Variants in TTC39A observed in about 807,000 individuals in gnomAD.
TTC39A encodes the protein tetratricopeptide repeat protein 39A.
TTC39A carries 46 observed loss-of-function variants against 82.3 expected under a neutral mutation model. The ratio of observed to expected loss-of-function variants is 0.56; its 90% CI spans 0.44 to 0.71. The LOEUF (loss-of-function observed/expected upper bound fraction) is 0.71. Among genes scored for constraint, TTC39A ranks in the 30% least tolerant of loss-of-function variants. TTC39A has a pLI of 0.00. For synonymous variants in TTC39A, 254 were observed against 275.2 expected (o/e 0.92, Z 0.76); for missense variants, 543 against 712.9 (o/e 0.76, Z 2.71).
intron 1 of TTC39A, among the ~76,000 whole-genome samples, chr1:51,328,859 G>C (rs1645807235): frequency 6.6e-6 from 1 of 152,194 alleles, no homozygotes; most frequent in African/African-American, 2.4e-5. Context: ...CCCAGAGCAG[G>C]CCTTGCTGAG....
intron 1 of TTC39A, among the ~76,000 whole-genome samples, chr1:51,324,564 C>T (rs1316796252): frequency 6.6e-6 from 1 of 151,938 alleles, no homozygotes; most frequent in African/African-American, 2.4e-5. Context: ...CTCTGTTGCC[C>T]GGGCTGGAGA....
chr1:51,320,314 C>T (rs1645449230), intron 2 of TTC39A, among the ~76,000 whole-genome samples: 1 of 151,840 alleles, frequency 6.6e-6, no homozygotes, highest in African/African-American at 2.4e-5. Flanking sequence ...AGGAAATAGT[C>T]TCGCACATGA....
At chr1:51,338,544 G>A (rs1646000120) in intron 1 of TTC39A, among the ~76,000 whole-genome samples, 1 of 151,308 alleles carries the variant, frequency 6.6e-6, no homozygotes, top group Non-Finnish European at 1.5e-5. Context: ...CAAAGGAGGA[G>A]AGAAGGGGAG....
intron 1 of TTC39A, among the ~76,000 whole-genome samples, chr1:51,338,944 C>T (rs1338515915): frequency 3.3e-5 from 5 of 152,192 alleles, no homozygotes; most frequent in Non-Finnish European, 5.9e-5. Flanking sequence ...TGCTCAGGGT[C>T]AGCCCTTTGG....
At chr1:51,296,312 G>T in intron 12 of TTC39A, 142 bp from the exon 13 acceptor site, 2 of 794,482 alleles carry the variant, frequency 2.5e-6, no homozygotes, top group Non-Finnish European at 4.1e-6. Flanking sequence ...AAGGTAAGAA[G>T]CTGAAGCAAC....
chr1:51,301,168 A>G, intron 12 of TTC39A: 1 of 166,314 alleles, frequency 6.0e-6, no homozygotes. Flanking sequence ...CTACATGGCT[A>G]TTTAAATTTA....
At chr1:51,318,477 C>T (rs982024753) in intron 2 of TTC39A, among the ~76,000 whole-genome samples, 19 of 152,244 alleles carry the variant, frequency 1.2e-4, no homozygotes, top group African/African-American at 4.3e-4. Context: ...GTGGAGACTG[C>T]CACACGCCCT....
chr1:51,322,034 A>AG, intron 1 of TTC39A: 1 of 1,506,826 alleles, frequency 6.6e-7, no homozygotes, highest in Non-Finnish European at 9.0e-7. Context: ...GGGGAGCAGA[A>AG]GGGAATGTCA....
At chr1:51,338,705 T>G (rs1350154126) in intron 1 of TTC39A, among the ~76,000 whole-genome samples, 5 of 149,740 alleles carry the variant, frequency 3.3e-5, no homozygotes, top group African/African-American at 1.2e-4. Context: ...CAGTTTCAAG[T>G]GATTCTCCCG....
chr1:51,324,655 G>A (rs1266773615), intron 1 of TTC39A, among the ~76,000 whole-genome samples: 1 of 152,042 alleles, frequency 6.6e-6, no homozygotes, highest in Non-Finnish European at 1.5e-5. Context: ...CCAAGCAGCT[G>A]GGATGACAGG....
At chr1:51,324,314 A>C (rs1233685563) in intron 1 of TTC39A, among the ~76,000 whole-genome samples, 2 of 152,136 alleles carry the variant, frequency 1.3e-5, no homozygotes, top group Non-Finnish European at 2.9e-5. Flanking sequence ...CCAACTCCTT[A>C]AACTGTAACT....
chr1:51,330,564 C>T (rs1645877393), upstream of TTC39A: 2 of 982,484 alleles, frequency 2.0e-6, no homozygotes, highest in South Asian at 4.6e-5. This position sits in a 1 kb window ranked among gnomAD's most constrained non-coding sequence, Gnocchi z 4.5. Flanking sequence ...GGGCGCTGTG[C>T]GGTCGCGGAC....
At chr1:51,336,852 G>A (rs1257577028) in intron 1 of TTC39A, among the ~76,000 whole-genome samples, 2 of 152,128 alleles carry the variant, frequency 1.3e-5, no homozygotes, top group South Asian at 2.1e-4. Context: ...GGGCAGATGA[G>A]CTACCTGACA....
In TTC39A at chr1:51,330,069, G is replaced by A; in HGVS notation, c.41+368C>T. 2 of 912,756 alleles carry A rather than the reference G, an allele frequency of 2.2e-6. No homozygotes were observed. The highest frequency in any genetic ancestry group is 2.6e-6 in the Non-Finnish European group (2 of 763,506). The allele number at this position is 912,756 out of a possible 1,614,324, so 56.5% of individuals were successfully genotyped here. The stretch of plus-strand genomic sequence containing the variant: ...GGGTGACCGATGACAAGTCACTTAA[G>A]TGCTGTGTCTCAGTTTCCTCATCTG... On this transcript the variant is annotated intron_variant, in intron 1 of 17. Transcript: ENST00000680483. This position sits in a 1 kb window ranked among gnomAD's most constrained non-coding sequence, Gnocchi z 4.5.
chr1:51,294,221 C>T lies in TTC39A; in HGVS notation c.1266+170G>A, dbSNP rs1185396146. ...TCCACTCTCAGCCCCAATGGACCCT[C>T]TCTAAGGGGCAGGGGCTGGGCCAGA... On this transcript the variant is annotated intron_variant, in intron 14 of 17. Coordinates refer to ENST00000680483, the MANE Select transcript of TTC39A (RefSeq NM_001297663.2). The surrounding 1 kb of genome is among the most constrained non-coding windows in gnomAD (Gnocchi z 4.3). Among the ~76,000 whole-genome samples the T allele has an allele frequency of 6.6e-6, 1 of 152,210 alleles. No individual in the cohort carries two copies. The highest frequency in any genetic ancestry group is 1.5e-5 in the Non-Finnish European group (1 of 68,036).
chr1:51,318,538 A>C (rs1390357205), intron 2 of TTC39A, among the ~76,000 whole-genome samples: 1 of 152,198 alleles, frequency 6.6e-6, no homozygotes, highest in Non-Finnish European at 1.5e-5. Flanking sequence ...AGACGGGAGA[A>C]AGATGGGTCC....
rs749028841 is a variant in TTC39A at position 51,303,143 on chromosome 1, C to T, written c.704G>A (p.Arg235His). ...CAGGAGCATGACACAGAGCACAGAG[C>T]GGAAGCTGTGCCCTGACGCTCCCTC... ...LEEGASGHSF[R>H]SVLCVMLLLC... Residue 235 changes from arginine (R) to histidine (H), a missense_variant, in exon 9 of 18, where the codon CGC (arginine) becomes CAC (histidine). Arg to His is a conservative substitution (Grantham distance 29, BLOSUM62 0). Transcript: ENST00000680483. 26 of 1,433,590 alleles carry T rather than the reference C, an allele frequency of 1.8e-5. No homozygotes were observed. The highest frequency in any genetic ancestry group is 2.1e-5 in the Non-Finnish European group (23 of 1,071,122). The allele number at this position is 1,433,590 out of a possible 1,614,324, so 88.8% of individuals were successfully genotyped here. A position where few individuals can be genotyped will look rare whatever the true frequency, so the allele number is the denominator to read the frequency against.
At chr1:51,334,462 T>G (rs1244220954), upstream of TTC39A, among the ~76,000 whole-genome samples, 1 of 151,736 alleles carries the variant, frequency 6.6e-6, no homozygotes, top group Non-Finnish European at 1.5e-5. Flanking sequence ...AAGATCGCAC[T>G]ATTGCACGCC....
At chr1:51,323,247 A>C (rs1645595514) in intron 1 of TTC39A, among the ~76,000 whole-genome samples, 2 of 145,622 alleles carry the variant, frequency 1.4e-5, no homozygotes, top group African/African-American at 2.6e-5. Flanking sequence ...CCATCACTAA[A>C]CTCCACTAAA....
Sources: allele counts gnomAD v4.1 joint callset (sites outside exome capture counted in the v4.1 genomes callset), GRCh38; gene constraint gnomAD v4.1.1; non-coding constraint Gnocchi (gnomAD v3.1); transcripts MANE v1.5; gene names NCBI Gene and HGNC (gene_info 2026-07-23, HGNC 2026-07-21).